Variants in ZFHX3 observed in about 807,000 individuals in gnomAD.
The protein encoded by ZFHX3 is zinc finger homeobox protein 3.
Under a neutral mutation model 279.1 loss-of-function variants are expected in ZFHX3, and 42 were observed. The observed-to-expected ratio is 0.15, with a 90% CI of 0.12 to 0.19. ZFHX3 has a LOEUF of 0.19. Among genes scored for constraint, ZFHX3 ranks in the 10% least tolerant of loss-of-function variants. The pLI is 1.00. For missense variants in ZFHX3, 4,981 were observed against 4,754.0 expected (o/e 1.05, Z -1.40); for synonymous variants, 2,293 against 1,957.8 (o/e 1.17, Z -4.52).
intron 3 of ZFHX3, among the ~76,000 whole-genome samples, chr16:73,392,200 A>T (rs75481515): frequency 0.073 from 11,094 of 151,850 alleles, 934 homozygotes; most frequent in South Asian, 0.2. Context: ...TGGGTGGTTC[A>T]CTTGAGGTCA....
chr16:73,049,813 C>G (rs779214328), upstream of ZFHX3, among the ~76,000 whole-genome samples: 7 of 152,102 alleles, frequency 4.6e-5, no homozygotes, highest in Non-Finnish European at 1.0e-4. Context: ...TGACTTCAGG[C>G]CCAAGAACAG....
chr16:73,872,725 T>C (rs1268344956), intron 1 of ZFHX3, among the ~76,000 whole-genome samples: 2 of 122,908 alleles, frequency 1.6e-5, no homozygotes, highest in Non-Finnish European at 3.3e-5. Context: ...CATAACTTGG[T>C]TAGCTACTCT....
intron 1 of ZFHX3, among the ~76,000 whole-genome samples, chr16:73,865,166 C>A (rs534240914): frequency 5.0e-4 from 76 of 152,310 alleles, no homozygotes; most frequent in African/African-American, 1.8e-3. Flanking sequence ...AAGTGAGCAT[C>A]TTAGATGAAC....
chr16:72,894,589 TC>T, intron 3 of ZFHX3, among the ~76,000 whole-genome samples: 1 of 152,314 alleles, frequency 6.6e-6, no homozygotes, highest in East Asian at 1.9e-4. Context: ...GAACATGCCT[TC>T]CCCGCAGAAG....
At chr16:73,024,019 T>G (rs1964407744) in intron 1 of ZFHX3, among the ~76,000 whole-genome samples, 1 of 152,146 alleles carries the variant, frequency 6.6e-6, no homozygotes, top group Admixed American at 6.5e-5. Flanking sequence ...CGTGCAGTAT[T>G]ACCATTAAAC....
intron 3 of ZFHX3, among the ~76,000 whole-genome samples, chr16:73,455,036 A>G (rs370238591): frequency 6.6e-6 from 1 of 152,178 alleles, no homozygotes; most frequent in African/African-American, 2.4e-5. Flanking sequence ...TTACAAATGG[A>G]AGCTTGTCAT....
At chr16:73,796,370 CAATCTTGTCAT>C (rs1285104160) in intron 1 of ZFHX3, 5 of 152,162 alleles carry the variant, frequency 3.3e-5, no homozygotes, top group Non-Finnish European at 7.3e-5. Flanking sequence ...AGAAATGAAC[CAATCTTGTCAT>C]ATTCTCACTG....
intron 2 of ZFHX3, among the ~76,000 whole-genome samples, chr16:73,590,636 GA>G (rs2051984928): frequency 6.6e-6 from 1 of 152,212 alleles, no homozygotes; most frequent in African/African-American, 2.4e-5. Context: ...ATTGGTAAAT[GA>G]AGGAAAATAA....
intron 1 of ZFHX3, among the ~76,000 whole-genome samples, chr16:73,728,076 T>G (rs2142245756): frequency 8.3e-6 from 1 of 120,524 alleles, no homozygotes; most frequent in African/African-American, 3.1e-5. Flanking sequence ...TCTAAAAATG[T>G]GACTGTATTT....
intron 2 of ZFHX3, among the ~76,000 whole-genome samples, chr16:73,513,737 A>T (rs1424317729): frequency 6.6e-6 from 1 of 152,140 alleles, no homozygotes; most frequent in African/African-American, 2.4e-5. Flanking sequence ...AGATTGCAAG[A>T]TTGAAAAGGA....
chr16:72,994,188 A>G (rs961071672), intron 1 of ZFHX3, among the ~76,000 whole-genome samples: 5 of 152,244 alleles, frequency 3.3e-5, no homozygotes, highest in Non-Finnish European at 7.3e-5. Context: ...AAGCTTTTAG[A>G]AAATACAAGT....
intron 1 of ZFHX3, among the ~76,000 whole-genome samples, chr16:73,760,800 G>C (rs1320408901): frequency 1.3e-5 from 2 of 151,726 alleles, no homozygotes; most frequent in African/African-American, 4.8e-5. Context: ...TCTCAATAAA[G>C]AAAGGTACAT....
intron 2 of ZFHX3, among the ~76,000 whole-genome samples, chr16:73,540,577 C>T (rs1384785267): frequency 6.6e-6 from 1 of 152,212 alleles, no homozygotes; most frequent in Admixed American, 6.5e-5. Flanking sequence ...TTCTCCTATG[C>T]TGAAAATTCC....
intron 1 of ZFHX3, among the ~76,000 whole-genome samples, chr16:73,697,019 A>G (rs1463656478): frequency 1.3e-5 from 2 of 152,198 alleles, no homozygotes; most frequent in Admixed American, 6.5e-5. Context: ...AAGAAAGGGG[A>G]AAATGTAGAA....
At chr16:72,874,711 C>T (rs368583611) in intron 4 of ZFHX3, among the ~76,000 whole-genome samples, 5 of 150,982 alleles carry the variant, frequency 3.3e-5, no homozygotes, top group African/African-American at 1.2e-4. Flanking sequence ...CCAGGGTAGA[C>T]TCAAACTTCT....
chr16:73,029,046 G>A (rs1284530729), intron 1 of ZFHX3, among the ~76,000 whole-genome samples: 1 of 152,084 alleles, frequency 6.6e-6, no homozygotes, highest in Admixed American at 6.5e-5. Flanking sequence ...CTCAGCCCAG[G>A]GGAGCCAAGT....
At chr16:72,789,177 C>CCAAA (rs1197989001) in intron 9 of ZFHX3, 1 of 231,282 alleles carries the variant, frequency 4.3e-6, no homozygotes, top group African/African-American at 2.3e-5. Context: ...CCCCTTTCAG[C>CCAAA]CAAACAACTT....
At chr16:72,883,753 T>C (rs1374980742) in intron 4 of ZFHX3, among the ~76,000 whole-genome samples, 1 of 152,216 alleles carries the variant, frequency 6.6e-6, no homozygotes, top group African/African-American at 2.4e-5. Flanking sequence ...AAAGTCATGT[T>C]TTCCCCATGC....
intron 3 of ZFHX3, among the ~76,000 whole-genome samples, chr16:73,328,584 A>T (rs548539271): frequency 6.6e-6 from 1 of 152,344 alleles, no homozygotes; most frequent in Non-Finnish European, 1.5e-5. Context: ...CTAGAAGTTA[A>T]CGAAGCTGCA....
Sources: gnomAD v4.1 joint callset for allele counts (sites outside exome capture counted in the v4.1 genomes callset) on GRCh38, gnomAD v4.1.1 for gene constraint, MANE v1.5 for transcripts, NCBI Gene and HGNC (gene_info 2026-07-23, HGNC 2026-07-21) for gene names.